AHI1: variants seen among roughly 807,000 people sequenced by gnomAD.
AHI1 encodes Abelson helper integration site 1, also known as jouberin.
In AHI1, 123 loss-of-function variants were observed where a neutral mutation model predicts 149.3. That is an observed-to-expected ratio of 0.82 (90% CI 0.71 to 0.96). The LOEUF (loss-of-function observed/expected upper bound fraction) is 0.96, where lower values mean the gene tolerates loss of function less well. Ranked by LOEUF, AHI1 falls within the 40% of genes least tolerant of loss-of-function variation. The probability of loss-of-function intolerance (pLI) is 0.00; values close to 1 mark genes in which losing one functional copy is unlikely to be tolerated. For synonymous variants in AHI1, 475 were observed against 459.8 expected (o/e 1.03, Z -0.42); for missense variants, 1,439 against 1,422.7 (o/e 1.01, Z -0.18).
chr6:135,383,708 C>T (rs191658290), intron 23 of AHI1, among the ~76,000 whole-genome samples: 1 of 152,140 alleles, frequency 6.6e-6, no homozygotes, highest in Non-Finnish European at 1.5e-5. Context: ...ATAACAACAT[C>T]ATTTTATATG....
At chr6:135,369,215 GTTCAGGGGTGGACA>G (rs1166225770) in intron 23 of AHI1, among the ~76,000 whole-genome samples, 3 of 152,222 alleles carry the variant, frequency 2.0e-5, no homozygotes, top group African/African-American at 7.2e-5. Flanking sequence ...GAGGATGTGT[GTTCAGGGGTGGACA>G]TTCCCTCTCT....
chr6:135,352,518 G>C (rs75889689), intron 24 of AHI1, among the ~76,000 whole-genome samples: 3,794 of 152,060 alleles, frequency 0.025, 179 homozygotes, highest in African/African-American at 0.086. Context: ...CCAGTGCTGG[G>C]AATTCCTACA....
At chr6:135,341,882 C>T (rs1790426641) in intron 24 of AHI1, among the ~76,000 whole-genome samples, 1 of 151,802 alleles carries the variant, frequency 6.6e-6, no homozygotes, top group African/African-American at 2.4e-5. Context: ...AATATTTTTA[C>T]TCTGTACCTT....
chr6:135,433,719 G>A (rs146487194), intron 15 of AHI1, among the ~76,000 whole-genome samples: 64 of 151,982 alleles, frequency 4.2e-4, no homozygotes, highest in African/African-American at 1.5e-3. Context: ...TTTTATATTT[G>A]TAATTTCAAA....
rs148590990 is a variant in AHI1 at position 135,366,300 on chromosome 6, T to C, written c.3110-8113A>G. On this transcript the variant is annotated intron_variant, in intron 23 of 28. Transcript: ENST00000265602. ...TGGTATTACGGTGATACGGGATTCATAGAATGATTTAGGAAAGATTCCCTT... is the reference window on the plus strand; with the variant it reads ...TGGTATTACGGTGATACGGGATTCACAGAATGATTTAGGAAAGATTCCCTT... 3.1e-3 allele frequency among the ~76,000 whole-genome samples: 473 copies of C among 152,244 alleles called. 3 individuals are homozygous for C. The highest frequency in any genetic ancestry group is 0.01 in the African/African-American group (428 of 41,536).
rs114724265 is a variant in AHI1 at position 135,377,310 on chromosome 6, C to T, written c.3109+17466G>A. On this transcript the variant is annotated intron_variant, in intron 23 of 28. Coordinates refer to ENST00000265602, the MANE Select transcript of AHI1 (RefSeq NM_001134831.2). The stretch of plus-strand genomic sequence containing the variant: ...CAAAATAAAGTTGGGGAATAATAGG[C>T]CCTGAATAGACATTTAATTATCTTA... Among the ~76,000 whole-genome samples, 294 of 152,068 alleles carry T rather than the reference C, an allele frequency of 1.9e-3. 1 individual carries two copies. Among genetic ancestry groups the T allele is most frequent in the African/African-American group, 6.9e-3 (288 of 41,490 alleles).
intron 15 of AHI1, 44 bp from the exon 16 acceptor site, chr6:135,433,300 A>T: frequency 7.1e-7 from 1 of 1,410,518 alleles, no homozygotes; most frequent in Non-Finnish European, 9.8e-7. Flanking sequence ...GAAAAGCAGA[A>T]GTTTCTTTTA....
intron 24 of AHI1, among the ~76,000 whole-genome samples, chr6:135,326,364 G>C (rs1386752435): frequency 6.6e-6 from 1 of 152,156 alleles, no homozygotes; most frequent in Non-Finnish European, 1.5e-5. Context: ...AACCGACTGT[G>C]CTAGCACCTT....
chr6:135,459,407 C>T (rs1789507018), intron 8 of AHI1, among the ~76,000 whole-genome samples: 1 of 152,000 alleles, frequency 6.6e-6, no homozygotes, highest in South Asian at 2.1e-4. Context: ...TAAAAGAAGA[C>T]TGAAATCTTT....
In AHI1 at chr6:135,285,532, A is replaced by T; in HGVS notation, c.*113T>A. On this transcript the variant is annotated 3_prime_UTR_variant, in exon 29 of 29. Coordinates refer to ENST00000265602, the MANE Select transcript of AHI1 (RefSeq NM_001134831.2). The stretch of plus-strand genomic sequence containing the variant: ...CATTCATAAGAACAAGAAGTAGTGG[A>T]TCCTTTCTTCCTCCTTAGTATCTGA... 2 of 1,112,532 alleles carry T rather than the reference A, an allele frequency of 1.8e-6. No individual in the cohort carries two copies. The highest frequency in any genetic ancestry group is 1.3e-6 in the Non-Finnish European group (1 of 750,652). 68.9% of individuals were successfully genotyped at this position (1,112,532 alleles called of 1,614,324 possible). A position where few individuals can be genotyped will look rare whatever the true frequency, so the allele number is the denominator to read the frequency against.
intron 23 of AHI1, among the ~76,000 whole-genome samples, chr6:135,360,231 T>C (rs1233866866): frequency 1.3e-5 from 2 of 152,188 alleles, no homozygotes; most frequent in Non-Finnish European, 2.9e-5. Context: ...GCTATAATGG[T>C]TAGTATTATA....
At chr6:135,383,989 C>T (rs1014198319) in intron 23 of AHI1, among the ~76,000 whole-genome samples, 1 of 152,190 alleles carries the variant, frequency 6.6e-6, no homozygotes, top group Non-Finnish European at 1.5e-5. Context: ...AGAGGCAAAG[C>T]AGTGAGTTGC....
chr6:135,491,955 G>A (rs543959065), intron 4 of AHI1, among the ~76,000 whole-genome samples: 26 of 152,212 alleles, frequency 1.7e-4, no homozygotes, highest in African/African-American at 5.5e-4. Context: ...CAATTTTGAT[G>A]ATAAAGAATA....
At chr6:135,399,874 C>T (rs1373685525) in intron 22 of AHI1, among the ~76,000 whole-genome samples, 3 of 151,596 alleles carry the variant, frequency 2.0e-5, no homozygotes, top group Non-Finnish European at 2.9e-5. Flanking sequence ...AGCCAGTCTT[C>T]CAAATAGTGC....
intron 15 of AHI1, among the ~76,000 whole-genome samples, chr6:135,436,071 G>A (rs1021519400): frequency 1.3e-5 from 2 of 152,178 alleles, no homozygotes; most frequent in Non-Finnish European, 2.9e-5. Flanking sequence ...AAATGGAAAC[G>A]TGTAATAGGA....
At chr6:135,487,587 G>A (rs1029594727) in intron 5 of AHI1, among the ~76,000 whole-genome samples, 12 of 152,022 alleles carry the variant, frequency 7.9e-5, no homozygotes, top group African/African-American at 2.9e-4. Flanking sequence ...GGGTACATGT[G>A]ATATTCTGAC....
chr6:135,492,718 G>C, intron 3 of AHI1: 1 of 985,346 alleles, frequency 1.0e-6, no homozygotes, highest in Non-Finnish European at 1.2e-6. Flanking sequence ...CACTCACAGT[G>C]AATTTAAATA....
chr6:135,414,196 GAA>G (rs995535399), intron 20 of AHI1, among the ~76,000 whole-genome samples: 1 of 152,094 alleles, frequency 6.6e-6, no homozygotes, highest in Non-Finnish European at 1.5e-5. Flanking sequence ...ATTCAGTGGA[GAA>G]AAGACAGTTT....
At position 135,439,306 on chromosome 6, in the gene AHI1, T is replaced by C. The variant is rs1264366920; in HGVS notation, c.1913-808A>G. ...TTCTGAGTAGTGTTATGAAATCTCA[T>C]GCCATTTAGCTCCATGTCTCCAGCA... On this transcript the variant is annotated intron_variant, in intron 14 of 28. Coordinates refer to ENST00000265602, the MANE Select transcript of AHI1 (RefSeq NM_001134831.2). 2.6e-5 allele frequency among the ~76,000 whole-genome samples: 4 copies of C among 152,258 alleles called. No individual in the cohort carries two copies. In the East Asian group the frequency reaches 7.7e-4, roughly 29 times the overall value.
Sources: allele counts gnomAD v4.1 joint callset (sites outside exome capture counted in the v4.1 genomes callset), GRCh38; gene constraint gnomAD v4.1.1; transcripts MANE v1.5; gene names NCBI Gene and HGNC (gene_info 2026-07-23, HGNC 2026-07-21).